Variants in DAB1 observed in about 807,000 individuals in gnomAD.
DAB1 encodes disabled homolog 1.
DAB1 carries 15 observed loss-of-function variants against 64.6 expected under a neutral mutation model. That is an observed-to-expected ratio of 0.23 (90% CI 0.16 to 0.36). The LOEUF is 0.36. Among genes scored for constraint, DAB1 ranks in the 10% least tolerant of loss-of-function variants. DAB1 has a pLI of 1.00. For synonymous variants in DAB1, 235 were observed against 251.9 expected, an observed-to-expected ratio of 0.93 and a Z score of 0.64; for missense variants, 596 against 706.7, an observed-to-expected ratio of 0.84 and a Z score of 1.78.
At chr1:57,175,357 A>T (rs1454307439) in intron 2 of DAB1, among the ~76,000 whole-genome samples, 27 of 150,694 alleles carry the variant, frequency 1.8e-4, no homozygotes, top group Admixed American at 1.8e-3. Flanking sequence ...TACAGGTTCC[A>T]ATCTTCTCTG....
At chr1:57,212,359 CTTTTTT>C (rs57653531) in intron 2 of DAB1, among the ~76,000 whole-genome samples, 4 of 82,176 alleles carry the variant, frequency 4.9e-5, no homozygotes, top group South Asian at 4.2e-4. Flanking sequence ...ATATTATTTC[CTTTTTT>C]TTTTTTTTTT....
chr1:58,326,954 T>C (rs1345824536), intron 4 of DAB1, among the ~76,000 whole-genome samples: 1 of 152,202 alleles, frequency 6.6e-6, no homozygotes, highest in Admixed American at 6.5e-5. Context: ...TTTAAAATTT[T>C]CCCCATGTGA....
chr1:58,072,085 T>TGGGGGGG (rs10665790), intron 5 of DAB1, among the ~76,000 whole-genome samples: 2 of 82,188 alleles, frequency 2.4e-5, no homozygotes, highest in African/African-American at 4.9e-5. Context: ...ATTGGTGGGG[T>TGGGGGGG]GGGGGGGGGT....
intron 6 of DAB1, among the ~76,000 whole-genome samples, chr1:57,791,441 A>C (rs1303187113): frequency 6.6e-6 from 1 of 152,202 alleles, no homozygotes; most frequent in East Asian, 1.9e-4. Flanking sequence ...ATATAAAAGG[A>C]TATGACTATT....
intron 3 of DAB1, among the ~76,000 whole-genome samples, chr1:58,457,329 T>C (rs1645201617): frequency 6.6e-6 from 1 of 151,818 alleles, no homozygotes; most frequent in South Asian, 2.1e-4. Context: ...GCTCCCTCCC[T>C]CCCAAGGCTG....
chr1:57,858,914 A>C (rs189960801), intron 1 of DAB1, among the ~76,000 whole-genome samples: 9 of 151,972 alleles, frequency 5.9e-5, no homozygotes, highest in African/African-American at 2.2e-4. Flanking sequence ...CTGACATTCA[A>C]GAGCTGCGAT....
intron 4 of DAB1, among the ~76,000 whole-genome samples, chr1:58,279,692 T>A (rs1247588176): frequency 6.6e-6 from 1 of 152,192 alleles, no homozygotes; most frequent in Non-Finnish European, 1.5e-5. Flanking sequence ...ATAGGAAGTC[T>A]TTCTTCTCAG....
intron 3 of DAB1, among the ~76,000 whole-genome samples, chr1:58,503,838 C>T (rs1464086327): frequency 6.6e-6 from 1 of 152,156 alleles, no homozygotes. Context: ...ATTATTGCAA[C>T]CTGAACAAAC....
chr1:57,834,626 TAC>T (rs1231476310), intron 1 of DAB1, among the ~76,000 whole-genome samples: 3 of 151,792 alleles, frequency 2.0e-5, no homozygotes, highest in Non-Finnish European at 4.4e-5. Flanking sequence ...TATATATACA[TAC>T]ACAGTTTTAT....
intron 5 of DAB1, among the ~76,000 whole-genome samples, chr1:57,894,119 C>T (rs998494855): frequency 8.5e-5 from 13 of 152,158 alleles, no homozygotes; most frequent in African/African-American, 2.9e-4. Context: ...AGTATGCCAA[C>T]GTATAAGACC....
intron 1 of DAB1, among the ~76,000 whole-genome samples, chr1:57,323,425 G>GA (rs201540842): frequency 1.3e-5 from 2 of 151,596 alleles, no homozygotes; most frequent in Admixed American, 6.6e-5. Flanking sequence ...GAATTGTGAA[G>GA]AAAAAAAACA....
At chr1:57,409,654 C>T (rs1683944859) in intron 1 of DAB1, among the ~76,000 whole-genome samples, 1 of 152,048 alleles carries the variant, frequency 6.6e-6, no homozygotes, top group African/African-American at 2.4e-5. Flanking sequence ...ACTAAAAATA[C>T]AAAAATTAGC....
At chr1:57,859,377 A>C (rs940555075) in intron 1 of DAB1, among the ~76,000 whole-genome samples, 2 of 152,256 alleles carry the variant, frequency 1.3e-5, no homozygotes, top group Non-Finnish European at 2.9e-5. Flanking sequence ...ATTTTTAAAT[A>C]TATATCTTAT....
chr1:57,010,827 C>A, intron 13 of DAB1, 37 bp from the exon 14 acceptor site: 2 of 1,430,936 alleles, frequency 1.4e-6, no homozygotes, highest in South Asian at 1.4e-5. Context: ...TTTTTTCTCT[C>A]TTTTCAAGCA....
intron 4 of DAB1, among the ~76,000 whole-genome samples, chr1:58,238,360 G>T (rs1660142838): frequency 6.6e-6 from 1 of 152,140 alleles, no homozygotes; most frequent in South Asian, 2.1e-4. Context: ...AGGCACAAAG[G>T]GCATTTTGCT....
intron 5 of DAB1, among the ~76,000 whole-genome samples, chr1:58,146,599 A>G (rs895264068): frequency 2.0e-5 from 3 of 152,012 alleles, no homozygotes; most frequent in African/African-American, 7.3e-5. Context: ...AGATCATGTG[A>G]TATTTGTCTG....
At chr1:57,139,678 C>T (rs1039234297) in intron 3 of DAB1, among the ~76,000 whole-genome samples, 3 of 152,110 alleles carry the variant, frequency 2.0e-5, no homozygotes, top group Admixed American at 1.3e-4. Flanking sequence ...GTCCTAACAG[C>T]TCCTAGCTAA....
chr1:58,359,562 T>C (rs1411187529), intron 3 of DAB1, among the ~76,000 whole-genome samples: 1 of 152,194 alleles, frequency 6.6e-6, no homozygotes, highest in African/African-American at 2.4e-5. Context: ...AGAGCTGTTC[T>C]AGCTACCCCA....
intron 5 of DAB1, among the ~76,000 whole-genome samples, chr1:58,016,936 C>T (rs184419479): frequency 5.9e-5 from 9 of 152,234 alleles, no homozygotes; most frequent in East Asian, 3.9e-4. Context: ...CACTTTACAG[C>T]GAGCGCTCTG....
Sources: allele counts gnomAD v4.1 joint callset (sites outside exome capture counted in the v4.1 genomes callset), GRCh38; gene constraint gnomAD v4.1.1; transcripts MANE v1.5; gene names NCBI Gene and HGNC (gene_info 2026-07-23, HGNC 2026-07-21).